The following PSD3 variants were observed in gnomAD, a reference collection of about 807,000 sequenced individuals.
The protein encoded by PSD3 is PH and SEC7 domain-containing protein 3.
In PSD3, 49 loss-of-function variants were observed where a neutral mutation model predicts 105.5. The observed-to-expected ratio is 0.46, with a 90% CI of 0.37 to 0.59. The LOEUF (loss-of-function observed/expected upper bound fraction) is 0.59. Ranked by LOEUF, PSD3 falls within the 20% of genes least tolerant of loss-of-function variation. The pLI is 0.00. For synonymous variants in PSD3, 557 were observed against 457.8 expected, an observed-to-expected ratio of 1.22 and a Z score of -2.77; for missense variants, 1,561 against 1,263.8, an observed-to-expected ratio of 1.24 and a Z score of -3.57.
chr8:18,851,783 C>T (rs2129452619), intron 4 of PSD3, among the ~76,000 whole-genome samples: 1 of 152,330 alleles, frequency 6.6e-6, no homozygotes, highest in Admixed American at 6.5e-5. Flanking sequence ...TTCAAATCAG[C>T]TCCCAAAGAG....
At chr8:18,536,687 CA>C (rs1799862948) in intron 15 of PSD3, among the ~76,000 whole-genome samples, 1 of 152,176 alleles carries the variant, frequency 6.6e-6, no homozygotes, top group Non-Finnish European at 1.5e-5. Context: ...ATGTTTCAAA[CA>C]GTTCCTTGAT....
At chr8:18,749,217 C>T (rs776750828) in intron 9 of PSD3, among the ~76,000 whole-genome samples, 2 of 152,186 alleles carry the variant, frequency 1.3e-5, no homozygotes, top group Non-Finnish European at 2.9e-5. Flanking sequence ...TATGGCTGCT[C>T]TTAGTGGACC....
At chr8:19,075,199 C>G (rs913446677) in intron 1 of PSD3, among the ~76,000 whole-genome samples, 2 of 152,126 alleles carry the variant, frequency 1.3e-5, no homozygotes, top group African/African-American at 4.8e-5. Flanking sequence ...CCGCCCACCT[C>G]GGCCTCCCAA....
At chr8:18,963,736 T>C (rs141617625) in intron 1 of PSD3, among the ~76,000 whole-genome samples, 1 of 152,182 alleles carries the variant, frequency 6.6e-6, no homozygotes, top group Non-Finnish European at 1.5e-5. Context: ...GTACTCCAAA[T>C]TTAATGAAAT....
intron 2 of PSD3, among the ~76,000 whole-genome samples, chr8:18,906,330 G>C (rs560305385): frequency 9.2e-5 from 14 of 152,216 alleles, no homozygotes; most frequent in African/African-American, 3.4e-4. Flanking sequence ...TTTAACACAA[G>C]ACATTCAAAG....
intron 1 of PSD3, 74 bp from the exon 2 acceptor site, chr8:18,936,216 A>G: frequency 1.0e-6 from 1 of 954,548 alleles, no homozygotes; most frequent in Non-Finnish European, 1.7e-6. Flanking sequence ...CAAATTATCC[A>G]ACATGAGATT....
rs114143209 is a variant in PSD3, at chr8:18,974,204, A to G, written c.22-38062T>C. Among the ~76,000 whole-genome samples, 278 of 152,326 alleles carry G rather than the reference A, an allele frequency of 1.8e-3. 1 individual carries two copies. The highest frequency in any genetic ancestry group is 5.8e-3 in the African/African-American group (240 of 41,582). On this transcript the variant is annotated intron_variant, in intron 1 of 15. Coordinates refer to ENST00000327040, the MANE Select transcript of PSD3 (RefSeq NM_015310.4). ...ACTTCAAGCCAAGGTAGGCATTATT[A>G]TGCCCATGTTACAGATAAAGAAAAA...
At chr8:18,689,231 C>T (rs1014074885) in intron 9 of PSD3, among the ~76,000 whole-genome samples, 19 of 152,282 alleles carry the variant, frequency 1.2e-4, no homozygotes, top group African/African-American at 1.2e-4. Flanking sequence ...GAGCAGCTCA[C>T]ATTCAGTCGG....
intron 9 of PSD3, among the ~76,000 whole-genome samples, chr8:18,688,285 T>C (rs979389673): frequency 7.2e-5 from 11 of 151,948 alleles, no homozygotes; most frequent in African/African-American, 2.4e-4. Flanking sequence ...TTGGTAGAAA[T>C]AGGGTCTTGC....
chr8:18,752,900 G>C (rs1402223220), intron 9 of PSD3, among the ~76,000 whole-genome samples: 4 of 151,324 alleles, frequency 2.6e-5, no homozygotes, highest in Non-Finnish European at 5.9e-5. Flanking sequence ...AATTGCTTTT[G>C]ATTGCTTTTA....
At chr8:18,866,601 C>G (rs922877662) in intron 4 of PSD3, among the ~76,000 whole-genome samples, 3 of 152,132 alleles carry the variant, frequency 2.0e-5, no homozygotes, top group African/African-American at 7.2e-5. Context: ...AGTAAGACAA[C>G]CAATATCCAC....
chr8:18,965,538 C>A (rs1824187114), intron 1 of PSD3, among the ~76,000 whole-genome samples: 1 of 152,204 alleles, frequency 6.6e-6, no homozygotes. Flanking sequence ...TGACCATTTA[C>A]TACTCAAGTA....
intron 1 of PSD3, among the ~76,000 whole-genome samples, chr8:19,008,179 G>A (rs967745684): frequency 1.3e-5 from 2 of 152,204 alleles, no homozygotes; most frequent in African/African-American, 4.8e-5. Context: ...AAGCATCAGC[G>A]GGTGGGGAAG....
intron 15 of PSD3, among the ~76,000 whole-genome samples, chr8:18,543,597 G>A (rs1256196122): frequency 2.7e-5 from 4 of 150,746 alleles, no homozygotes; most frequent in African/African-American, 9.8e-5. Flanking sequence ...CAGCCTGGGC[G>A]ACAGAGCGAG....
At chr8:18,838,026 C>T (rs1464966681) in intron 4 of PSD3, among the ~76,000 whole-genome samples, 1 of 152,088 alleles carries the variant, frequency 6.6e-6, no homozygotes, top group Non-Finnish European at 1.5e-5. Flanking sequence ...GACACAGCTC[C>T]CTAATTTCTC....
chr8:18,538,395 C>G (rs1253267074), intron 15 of PSD3, among the ~76,000 whole-genome samples: 1 of 152,148 alleles, frequency 6.6e-6, no homozygotes, highest in Admixed American at 6.5e-5. Context: ...AATCAGAGGA[C>G]TGAACAAGAT....
intron 1 of PSD3, among the ~76,000 whole-genome samples, chr8:19,063,095 T>G (rs1264747777): frequency 1.3e-5 from 2 of 152,262 alleles, no homozygotes; most frequent in African/African-American, 4.8e-5. Flanking sequence ...TTTCTAACTG[T>G]TATTTCAAAT....
intron 9 of PSD3, among the ~76,000 whole-genome samples, chr8:18,703,232 G>A (rs928399688): frequency 5.3e-5 from 8 of 152,178 alleles, no homozygotes; most frequent in African/African-American, 1.7e-4. Flanking sequence ...CAAAGGGGCA[G>A]AAGTTTCCAG....
At chr8:18,954,532 A>ACCAT (rs745421536) in intron 1 of PSD3, among the ~76,000 whole-genome samples, 79 of 152,106 alleles carry the variant, frequency 5.2e-4, no homozygotes, top group East Asian at 7.7e-4. Flanking sequence ...GAAGCAATCA[A>ACCAT]CCATCCATCC....
Sources: allele counts gnomAD v4.1 joint callset (sites outside exome capture counted in the v4.1 genomes callset), GRCh38; gene constraint gnomAD v4.1.1; transcripts MANE v1.5; gene names NCBI Gene and HGNC (gene_info 2026-07-23, HGNC 2026-07-21).